SOX30: variants seen among roughly 807,000 people sequenced by gnomAD.
SOX30 encodes SRY-box transcription factor 30, also known as transcription factor SOX-30.
SOX30 carries 17 observed loss-of-function variants against 58.6 expected under a neutral mutation model. That is an observed-to-expected ratio of 0.29 (90% CI 0.20 to 0.44). The LOEUF is 0.44. Among genes scored for constraint, SOX30 ranks in the 20% least tolerant of loss-of-function variants. The pLI is 1.00. For missense variants in SOX30, 951 were observed against 965.8 expected (o/e 0.98, Z 0.20); for synonymous variants, 421 against 400.2 (o/e 1.05, Z -0.62).
rs1167386192 is a variant in SOX30, at chr5:157,626,113, A to G, written c.*227T>C. 12 of 430,052 alleles carry G rather than the reference A, an allele frequency of 2.8e-5. No homozygotes were observed. The Admixed American group carries it at 4.8e-4, about 17-fold the overall frequency. 26.6% of individuals were successfully genotyped at this position (430,052 alleles called of 1,614,324 possible). On this transcript the variant is annotated 3_prime_UTR_variant, in exon 5 of 5. Coordinates refer to ENST00000265007, the MANE Select transcript of SOX30 (RefSeq NM_178424.2). ...ATACATGTTGATGCAAATTTCAGCC[A>G]TTAAAATTAAACTACTTAATAACTT...
intron 4 of SOX30, among the ~76,000 whole-genome samples, chr5:157,636,266 A>C (rs1192567543): frequency 6.6e-6 from 1 of 152,214 alleles, no homozygotes; most frequent in Non-Finnish European, 1.5e-5. Context: ...TAGCAGATAC[A>C]ATTTTCCACA....
At chr5:157,660,771 A>G (rs1759563053) in intron 2 of SOX30, among the ~76,000 whole-genome samples, 1 of 152,068 alleles carries the variant, frequency 6.6e-6, no homozygotes, top group South Asian at 2.1e-4. Context: ...ATTAAATCAT[A>G]TTGGCTTTTC....
chr5:157,648,894 T>G lies in SOX30; in HGVS notation c.970A>C (p.Ile324Leu). Residue 324 changes from isoleucine (I) to leucine (L), a missense_variant and splice_region_variant, in exon 2 of 5, where the codon ATA becomes CTA. Physicochemically the swap from Ile to Leu is conservative, Grantham distance 5. Transcript: ENST00000265007. ...PLTVLPSDAG[I>L]PDTPFSKDRN... ...TCCTTACTGAAGGGAGTATCTGGTA[T>G]GCCTACATGACAAAAATTAAAAGGC... The G allele has an allele frequency of 1.3e-6, 2 of 1,595,780 alleles. No individual in the cohort carries two copies. Among genetic ancestry groups the G allele is most frequent in the Non-Finnish European group, 1.7e-6 (2 of 1,170,312 alleles).
At chr5:157,644,779 G>A (rs916232186) in intron 3 of SOX30, among the ~76,000 whole-genome samples, 1 of 152,030 alleles carries the variant, frequency 6.6e-6, no homozygotes, top group African/African-American at 2.4e-5. Flanking sequence ...CCAGGAGTTC[G>A]AGACAAGCCT....
chr5:157,663,522 A>G (rs568302891), intron 2 of SOX30, among the ~76,000 whole-genome samples: 1 of 152,328 alleles, frequency 6.6e-6, no homozygotes, highest in South Asian at 2.1e-4. Flanking sequence ...CACTGGAAGC[A>G]TTCCCTTTGA....
Position 157,651,339 on chromosome 5 carries a change from G to C in SOX30, c.740C>G (p.Thr247Arg), listed in dbSNP as rs555036178. Residue 247 changes from threonine to arginine, a missense_variant, in exon 1 of 5, where the codon ACG becomes AGG. Physicochemically the swap from Thr to Arg is moderately conservative, Grantham distance 71. Coordinates refer to ENST00000265007, the MANE Select transcript of SOX30 (RefSeq NM_178424.2). ...CTGGTGCGGCCCAAAGGCACCGGAC[G>C]TTGGGGCCAAGATGACCTCCGCGCT... ...HGSAEVILAP[T>R]SGAFGPHQQD... 1.2e-5 allele frequency: 19 copies of C among 1,613,886 alleles called. No individual in the cohort carries two copies. The highest frequency in any genetic ancestry group is 1.5e-5 in the Non-Finnish European group (18 of 1,180,048).
At chr5:157,627,309 G>A (rs2113829453) in intron 4 of SOX30, among the ~76,000 whole-genome samples, 1 of 152,258 alleles carries the variant, frequency 6.6e-6, no homozygotes, top group South Asian at 2.1e-4. Flanking sequence ...GTTGCAGTGA[G>A]CCGAGACTGC....
chr5:157,663,788 G>A (rs1197286315), intron 2 of SOX30, among the ~76,000 whole-genome samples: 2 of 152,024 alleles, frequency 1.3e-5, no homozygotes, highest in Non-Finnish European at 2.9e-5. Flanking sequence ...GAGAAATCAC[G>A]AGCATTCCTA....
chr5:157,661,756 T>C (rs546657628), intron 2 of SOX30, among the ~76,000 whole-genome samples: 1 of 152,350 alleles, frequency 6.6e-6, no homozygotes, highest in South Asian at 2.1e-4. Context: ...TTTTTGTACA[T>C]TACTGGATCT....
intron 4 of SOX30, among the ~76,000 whole-genome samples, chr5:157,635,276 T>C (rs959235101): frequency 2.0e-5 from 3 of 152,240 alleles, no homozygotes; most frequent in African/African-American, 7.2e-5. Flanking sequence ...CCAATAGCAT[T>C]ATTATTAATT....
At chr5:157,642,037 C>G (rs921073698) in intron 3 of SOX30, among the ~76,000 whole-genome samples, 4 of 151,950 alleles carry the variant, frequency 2.6e-5, no homozygotes, top group Non-Finnish European at 5.9e-5. Flanking sequence ...GCTTGAGGGC[C>G]GGGTGCAGTG....
At chr5:157,627,709 T>C (rs1333469806) in intron 4 of SOX30, among the ~76,000 whole-genome samples, 2 of 151,924 alleles carry the variant, frequency 1.3e-5, no homozygotes, top group East Asian at 3.9e-4. Flanking sequence ...AGTTATGGTT[T>C]TTTGGCCGGG....
intron 4 of SOX30, among the ~76,000 whole-genome samples, chr5:157,631,044 A>ATT (rs1422367547): frequency 4.8e-5 from 2 of 41,982 alleles, no homozygotes; most frequent in East Asian, 1.1e-3. Flanking sequence ...CAATATATAT[A>ATT]TTTTATATAT....
At chr5:157,661,250 C>T (rs1246470094) in intron 2 of SOX30, among the ~76,000 whole-genome samples, 1 of 152,260 alleles carries the variant, frequency 6.6e-6, no homozygotes, top group Admixed American at 6.5e-5. Context: ...CACCTTTAAG[C>T]ATGTTGTTAG....
At chr5:157,658,921 T>C (rs1759529283) in intron 2 of SOX30, among the ~76,000 whole-genome samples, 2 of 152,088 alleles carry the variant, frequency 1.3e-5, no homozygotes, top group Admixed American at 1.3e-4. Flanking sequence ...ATAAAACAGG[T>C]TGCAGTAAAG....
chr5:157,656,217 A>G (rs1759471106), upstream of SOX30, among the ~76,000 whole-genome samples: 1 of 152,260 alleles, frequency 6.6e-6, no homozygotes, highest in African/African-American at 2.4e-5. Flanking sequence ...GTTAAAAATA[A>G]TAAGTGCTTC....
In SOX30 at chr5:157,638,326, G is replaced by C. The variant is rs762888516; in HGVS notation, c.1784C>G (p.Pro595Arg). The C allele has an allele frequency of 1.2e-6, 2 of 1,611,876 alleles. No homozygotes were observed. The highest frequency in any genetic ancestry group is 4.5e-5 in the East Asian group (2 of 44,874). The change falls in exon 4 of 5, where the codon CCT (proline) becomes CGT (arginine). Residue 595 changes from proline (P) to arginine (R), a missense_variant. Around this residue, in one of 7 missense-constraint regions of SOX30, gnomAD observed 381 missense variants for 390.0 expected, o/e 0.98. Transcript: ENST00000265007. ...CAGTGTGGCTGGATGGCCAAGGGGA[G>C]GGGGCTGGTAGACATGTGGGTGTGG... ...PIPHPHVYQP[P>R]PLGHPATLFG... is the part of the protein sequence containing the mutation.
At chr5:157,664,592 T>C (rs1182003908) in intron 2 of SOX30, among the ~76,000 whole-genome samples, 2 of 152,136 alleles carry the variant, frequency 1.3e-5, no homozygotes, top group Non-Finnish European at 2.9e-5. Context: ...AAAGCCAAAA[T>C]TGACAAATGG....
chr5:157,644,837 T>C (rs925231929), intron 3 of SOX30, among the ~76,000 whole-genome samples: 7 of 151,820 alleles, frequency 4.6e-5, no homozygotes, highest in South Asian at 2.1e-4. Flanking sequence ...AAAAATTAGA[T>C]GGGCATGGTG....
Sources: gnomAD v4.1 joint callset for allele counts (sites outside exome capture counted in the v4.1 genomes callset) on GRCh38, gnomAD v4.1.1 for gene constraint, gnomAD v4.1.1 regional missense constraint, MANE v1.5 for transcripts, NCBI Gene and HGNC (gene_info 2026-07-23, HGNC 2026-07-21) for gene names.